The following TENM1 variants were observed in gnomAD, a reference collection of about 807,000 sequenced individuals.
TENM1 encodes the protein teneurin transmembrane protein 1, also known as teneurin-1.
Under a neutral mutation model 174.8 loss-of-function variants are expected in TENM1, and 35 were observed. That is an observed-to-expected ratio of 0.20 (90% CI 0.15 to 0.27). The LOEUF (loss-of-function observed/expected upper bound fraction) is 0.27, where lower values mean the gene tolerates loss of function less well. Ranked by LOEUF, TENM1 falls within the 10% of genes least tolerant of loss-of-function variation. TENM1 has a pLI of 1.00. For synonymous variants in TENM1, 781 were observed against 798.7 expected (o/e 0.98, Z 0.37); for missense variants, 1,633 against 2,130.1 (o/e 0.77, Z 4.59).
chrX:125,201,839 C>T, the TENM1 span, among the ~76,000 whole-genome samples: 210 of 111,859 alleles, frequency 1.9e-3, 2 homozygotes, highest in African/African-American at 5.6e-3. Flanking sequence ...TTTAATGCAT[C>T]ACAAAATAGT....
chrX:125,058,411 CTT>C, the TENM1 span, among the ~76,000 whole-genome samples: 1 of 111,593 alleles, frequency 9.0e-6, no homozygotes, highest in African/African-American at 3.3e-5. Flanking sequence ...GCGGCAATAA[CTT>C]ATCAAAATCT....
chrX:124,996,518 G>T, the TENM1 span, among the ~76,000 whole-genome samples: 1 of 99,843 alleles, frequency 1.0e-5, no homozygotes, highest in Admixed American at 1.1e-4. Context: ...TTCCATTACA[G>T]CTAAAAGACA....
intron 22 of TENM1, among the ~76,000 whole-genome samples, chrX:124,470,969 T>C (rs1200990867): frequency 9.4e-6 from 1 of 106,403 alleles, no homozygotes; most frequent in Non-Finnish European, 1.9e-5. Flanking sequence ...CAAAAAATAA[T>C]ATCTGGTCTT....
chrX:124,553,074 A>G (rs2048611698), intron 14 of TENM1, among the ~76,000 whole-genome samples: 1 of 111,656 alleles, frequency 9.0e-6, no homozygotes, highest in Non-Finnish European at 1.9e-5. Flanking sequence ...TAATCTCATC[A>G]TGAAAGATGG....
At chrX:124,820,883 C>G (rs1217196907) in intron 3 of TENM1, among the ~76,000 whole-genome samples, 3 of 112,199 alleles carry the variant, frequency 2.7e-5, no homozygotes, top group African/African-American at 9.7e-5. Flanking sequence ...ATTGCCTTAC[C>G]AGTATTGCTT....
chrX:124,598,495 C>G (rs2049957300), intron 11 of TENM1, among the ~76,000 whole-genome samples: 1 of 111,631 alleles, frequency 9.0e-6, no homozygotes, highest in South Asian at 3.7e-4. Context: ...CTAAGTTGTC[C>G]ATCAACAGAT....
At chrX:125,054,248 T>C in the TENM1 span, among the ~76,000 whole-genome samples, 1 of 110,253 alleles carries the variant, frequency 9.1e-6, no homozygotes, top group African/African-American at 3.3e-5. Flanking sequence ...CTCTTCCCCC[T>C]GCTCTGGCCA....
chrX:125,097,036 G>T, the TENM1 span, among the ~76,000 whole-genome samples: 3 of 111,493 alleles, frequency 2.7e-5, no homozygotes, highest in Admixed American at 2.8e-4. Context: ...ACTCTGTTGT[G>T]TGTGCTGAGC....
At chrX:125,179,853 C>T in the TENM1 span, among the ~76,000 whole-genome samples, 1 of 107,349 alleles carries the variant, frequency 9.3e-6, no homozygotes, top group East Asian at 3.0e-4. Flanking sequence ...TCAACTCTGT[C>T]TCTTCATTGC....
chrX:124,785,420 A>G, intron 3 of TENM1, among the ~76,000 whole-genome samples: 1 of 111,873 alleles, frequency 8.9e-6, no homozygotes. Flanking sequence ...GGCATATCCC[A>G]TAATGGACTA....
chrX:124,812,529 A>G (rs1038600164), intron 3 of TENM1, among the ~76,000 whole-genome samples: 13 of 111,327 alleles, frequency 1.2e-4, no homozygotes, highest in Non-Finnish European at 1.5e-4. Context: ...ACAAAACTTG[A>G]TAACTTTTTA....
At chrX:124,849,390 A>T (rs991750184) in intron 3 of TENM1, among the ~76,000 whole-genome samples, 7 of 110,810 alleles carry the variant, frequency 6.3e-5, no homozygotes, top group Non-Finnish European at 9.5e-5. Context: ...TTTTACTAGT[A>T]TGTAGTAAAA....
chrX:124,674,786 C>T lies in TENM1; in HGVS notation c.1016-2951G>A, dbSNP rs768703767. On this transcript the variant is annotated intron_variant, in intron 5 of 31. Transcript: ENST00000422452. ...TTTACAGAAAATTTGGTCTACTCTG[C>T]CTCCCAAATAATTTGAATATGATGG... Among the ~76,000 whole-genome samples, 107 of 111,086 alleles carry T rather than the reference C, an allele frequency of 9.6e-4. 1 individual carries two copies. Among genetic ancestry groups the T allele is most frequent in the African/African-American group, 3.2e-3 (99 of 30,622 alleles).
chrX:125,178,782 A>G, the TENM1 span, among the ~76,000 whole-genome samples: 103 of 111,236 alleles, frequency 9.3e-4, no homozygotes, highest in African/African-American at 3.4e-3. Context: ...ACACTCAAAA[A>G]TCCTTATAGG....
At chrX:124,831,937 G>T (rs1216830255) in intron 3 of TENM1, among the ~76,000 whole-genome samples, 1 of 111,880 alleles carries the variant, frequency 8.9e-6, no homozygotes. Flanking sequence ...TTTCAAATGT[G>T]CTTTCTGTGC....
intron 11 of TENM1, among the ~76,000 whole-genome samples, chrX:124,630,915 G>T (rs1038654011): frequency 8.9e-6 from 1 of 111,784 alleles, no homozygotes; most frequent in Non-Finnish European, 1.9e-5. Flanking sequence ...TCTTTATTTG[G>T]CCTAAAGAAT....
intron 3 of TENM1, among the ~76,000 whole-genome samples, chrX:124,775,300 C>T (rs1360288393): frequency 9.1e-5 from 8 of 88,055 alleles, no homozygotes; most frequent in African/African-American, 3.0e-4. Context: ...AGCAAGACTC[C>T]GTCAAAAAAA....
intron 11 of TENM1, among the ~76,000 whole-genome samples, chrX:124,627,161 A>T (rs1385114620): frequency 9.0e-6 from 1 of 110,934 alleles, no homozygotes; most frequent in Non-Finnish European, 1.9e-5. Flanking sequence ...CATTCCATTG[A>T]CTCCCAAGGA....
the TENM1 span, among the ~76,000 whole-genome samples, chrX:125,051,994 A>G: frequency 1.5e-3 from 167 of 111,182 alleles, no homozygotes; most frequent in African/African-American, 5.1e-3. Flanking sequence ...AAACAAATTT[A>G]CAAGAAAAAA....
Sources: allele counts gnomAD v4.1 joint callset (sites outside exome capture counted in the v4.1 genomes callset), GRCh38; gene constraint gnomAD v4.1.1; transcripts MANE v1.5; gene names NCBI Gene and HGNC (gene_info 2026-07-23, HGNC 2026-07-21).